The following C18orf63 variants were observed in gnomAD, a reference collection of about 807,000 sequenced individuals.
The protein encoded by C18orf63 is uncharacterized protein C18orf63.
C18orf63 carries 50 observed loss-of-function variants against 75.3 expected under a neutral mutation model. That is an observed-to-expected ratio of 0.66 (90% confidence interval 0.53 to 0.84). C18orf63 has a LOEUF of 0.84. Ranked by LOEUF, C18orf63 falls within the 40% of genes least tolerant of loss-of-function variation. The pLI is 0.00. For missense variants in C18orf63, 732 were observed against 800.2 expected, an observed-to-expected ratio of 0.91 and a Z score of 1.03; for synonymous variants, 232 against 267.6, an observed-to-expected ratio of 0.87 and a Z score of 1.30.
intron 5 of C18orf63, among the ~76,000 whole-genome samples, chr18:74,328,501 T>C (rs1984246676): frequency 6.6e-6 from 1 of 152,192 alleles, no homozygotes. Context: ...TTTTAAGATA[T>C]ACAATTTTTA....
chr18:74,318,789 CAGAAAA>C (rs369913171), intron 2 of C18orf63, among the ~76,000 whole-genome samples: 1,167 of 93,658 alleles, frequency 0.012, 17 homozygotes, highest in African/African-American at 0.042. Flanking sequence ...GACTCTGTCT[CAGAAAA>C]AAAAAAAAAG....
chr18:74,328,398 G>A (rs1568235918), intron 5 of C18orf63, among the ~76,000 whole-genome samples: 2 of 152,138 alleles, frequency 1.3e-5, no homozygotes, highest in Non-Finnish European at 2.9e-5. Context: ...CTCCCACCGG[G>A]TCCTTCCCAC....
At chr18:74,316,458 C>G (rs1214927150) in intron 1 of C18orf63, among the ~76,000 whole-genome samples, 3 of 152,176 alleles carry the variant, frequency 2.0e-5, no homozygotes, top group African/African-American at 7.2e-5. Context: ...CCCCGCGCCC[C>G]GGGAGGATTT....
In C18orf63 at chr18:74,317,836, C is replaced by A; in HGVS notation, c.-30C>A. On this transcript the variant is annotated splice_region_variant and 5_prime_UTR_variant, in exon 2 of 14. It adds an upstream start codon to the 5' untranslated region. Transcript: ENST00000579455. Reference sequence around the variant, plus strand: ...TTTTTTGCTGTTTATTTTTAAAGGCCTGATTGCTGAGACACTCAGTCAGGA... The same window carrying A: ...TTTTTTGCTGTTTATTTTTAAAGGCATGATTGCTGAGACACTCAGTCAGGA... 1 of 1,500,548 alleles carries A rather than the reference C, an allele frequency of 6.7e-7. No individual in the cohort carries two copies. Among genetic ancestry groups the A allele is most frequent in the Non-Finnish European group, 8.9e-7 (1 of 1,128,002 alleles). The allele number at this position is 1,500,548 out of a possible 1,614,324, so 93.0% of individuals were successfully genotyped here.
Position 74,329,038 on chromosome 18 carries a change from T to C in C18orf63, c.424+2T>C, listed in dbSNP as rs1430139321. On this transcript the variant is annotated splice_donor_variant, in intron 6 of 13. Coordinates refer to ENST00000579455, the MANE Select transcript of C18orf63 (RefSeq NM_001174123.2). LOFTEE classifies it high-confidence loss of function. Reference sequence around the variant, plus strand: ...AGATGGGAAAACAAAGTGCTGTTGGTAAGTAAAAATGCATAAGTCAATAGA... The same window carrying C: ...AGATGGGAAAACAAAGTGCTGTTGGCAAGTAAAAATGCATAAGTCAATAGA... 1.3e-6 allele frequency: 2 copies of C among 1,490,322 alleles called. No individual in the cohort carries two copies. Among genetic ancestry groups the C allele is most frequent in the Middle Eastern group, 1.7e-4 (1 of 5,900 alleles). 92.3% of individuals were successfully genotyped at this position (1,490,322 alleles called of 1,614,324 possible).
chr18:74,320,451 T>A, intron 2 of C18orf63, 62 bp from the exon 3 acceptor site: 4 of 1,109,352 alleles, frequency 3.6e-6, no homozygotes, highest in Non-Finnish European at 5.2e-6. Context: ...AACATGAGAT[T>A]TGGGTGGGGA....
At chr18:74,341,967 T>C in intron 8 of C18orf63, 65 bp from the exon 9 acceptor site, 1 of 764,560 alleles carries the variant, frequency 1.3e-6, no homozygotes, top group South Asian at 1.8e-5. Flanking sequence ...TTCTAAATCA[T>C]GTAGTTGACT....
intron 3 of C18orf63, among the ~76,000 whole-genome samples, chr18:74,321,311 C>T (rs1984117107): frequency 6.6e-6 from 1 of 151,488 alleles, no homozygotes; most frequent in South Asian, 2.1e-4. Flanking sequence ...CTCTCCCTTC[C>T]TTCCTTTTTT....
At chr18:74,355,402 A>G (rs149979138) in intron 13 of C18orf63, among the ~76,000 whole-genome samples, 132 of 152,354 alleles carry the variant, frequency 8.7e-4, no homozygotes, top group African/African-American at 3.1e-3. Flanking sequence ...TTAGAAATCA[A>G]TGAAATCTAT....
chr18:74,342,493 G>A (rs903037081), intron 10 of C18orf63, among the ~76,000 whole-genome samples, 167 bp downstream of exon 10: 3 of 152,022 alleles, frequency 2.0e-5, no homozygotes, highest in African/African-American at 7.2e-5. Flanking sequence ...GGTTTGCTTA[G>A]AATATCTTCC....
Position 74,322,647 on chromosome 18 carries a change from T to TTATA in C18orf63, c.214-41_214-38dup, listed in dbSNP as rs148436042. Reference sequence around the variant, plus strand: ...TTAAAATCTTTATTGCATTATTTAATTATATATATATATGTTAAGTCCTTT... The same window carrying TTATA: ...TTAAAATCTTTATTGCATTATTTAATTATATATATATATATATGTTAAGTCCTTT... On this transcript the variant is annotated intron_variant, in intron 3 of 13. Transcript: ENST00000579455. 565 of 578,774 alleles carry TTATA rather than the reference T, an allele frequency of 9.8e-4. 1 individual carries two copies. The Middle Eastern group carries it at 0.01, about 10-fold the overall frequency. The allele number at this position is 578,774 out of a possible 1,614,324, so 35.9% of individuals were successfully genotyped here.
chr18:74,344,501 C>T (rs1328236148), intron 11 of C18orf63, among the ~76,000 whole-genome samples: 1 of 148,392 alleles, frequency 6.7e-6, no homozygotes, highest in African/African-American at 2.6e-5. Flanking sequence ...CTTGCCAGGA[C>T]TTAGGAGCCT....
Position 74,353,424 on chromosome 18 carries a change from A to G in C18orf63, c.1157A>G (p.His386Arg). 1 of 1,536,354 alleles carries G rather than the reference A, an allele frequency of 6.5e-7. No individual in the cohort carries two copies. The highest frequency in any genetic ancestry group is 8.7e-7 in the Non-Finnish European group (1 of 1,146,964). ...ACATCAGGCATTTTCTCAGCTTTGC[A>G]TCTCCAGCCAGAGTCTGTTCAGGGT... is the stretch of plus-strand genomic sequence containing the variant. ...QPTSGIFSAL[H>R]LQPESVQGRK... Residue 386 changes from histidine (H) to arginine (R), a missense_variant, in exon 12 of 14, where the codon CAT becomes CGT. Around this residue, in one of 3 missense-constraint regions of C18orf63, gnomAD observed 495 missense variants for 508.7 expected, o/e 0.97. Coordinates refer to ENST00000579455, the MANE Select transcript of C18orf63 (RefSeq NM_001174123.2).
chr18:74,318,488 C>T (rs540842169), intron 2 of C18orf63, among the ~76,000 whole-genome samples: 3 of 152,152 alleles, frequency 2.0e-5, no homozygotes, highest in East Asian at 1.9e-4. Context: ...CCCACATAGT[C>T]GTTGAAAAAC....
chr18:74,331,521 T>C (rs1043813518), intron 7 of C18orf63, among the ~76,000 whole-genome samples: 1 of 152,218 alleles, frequency 6.6e-6, no homozygotes, highest in East Asian at 1.9e-4. Context: ...AAATGAATGA[T>C]TGGCTCCTTA....
In C18orf63 at chr18:74,328,977, T is replaced by G. The variant is rs1352462341; in HGVS notation, c.383-18T>G. The G allele has an allele frequency of 7.1e-7, 1 of 1,412,928 alleles. No individual in the cohort carries two copies. Among genetic ancestry groups the G allele is most frequent in the Non-Finnish European group, 9.7e-7 (1 of 1,034,926 alleles). 87.5% of individuals were successfully genotyped at this position (1,412,928 alleles called of 1,614,324 possible). A position where few individuals can be genotyped will look rare whatever the true frequency, so the allele number is the denominator to read the frequency against. The stretch of plus-strand genomic sequence containing the variant: ...TTATGAGTTGTAATAACATGGCATA[T>G]TCTATGAATTTTTTAAGGAAGAGAT... On this transcript the variant is annotated intron_variant, in intron 5 of 13. Coordinates refer to ENST00000579455, the MANE Select transcript of C18orf63 (RefSeq NM_001174123.2).
intron 10 of C18orf63, among the ~76,000 whole-genome samples, 195 bp downstream of exon 10, chr18:74,342,521 G>A (rs867320405): frequency 1.2e-4 from 18 of 152,114 alleles, no homozygotes; most frequent in Admixed American, 9.2e-4. Context: ...ATTTGAGGAT[G>A]AGCTCAATAA....
Position 74,354,099 on chromosome 18 carries a change from A to G in C18orf63, c.1832A>G (p.Gln611Arg). The change falls in exon 12 of 14, where the codon CAG (glutamine) becomes CGG (arginine). Residue 611 changes from glutamine to arginine, a missense_variant. By Grantham distance (43) the Gln-to-Arg change is conservative. Transcript: ENST00000579455. ...GETEDPRLLQ[Q>R]QSENQAKEVG... is the part of the protein sequence containing the mutation. ...ACCGAAGATCCACGACTGCTACAGCAGCAATCAGAAAATCAAGCTAAAGAA... is the reference window on the plus strand; with the variant it reads ...ACCGAAGATCCACGACTGCTACAGCGGCAATCAGAAAATCAAGCTAAAGAA... 2 of 1,536,354 alleles carry G rather than the reference A, an allele frequency of 1.3e-6. No homozygotes were observed. Among genetic ancestry groups the G allele is most frequent in the Non-Finnish European group, 1.7e-6 (2 of 1,146,966 alleles).
intron 13 of C18orf63, 70 bp downstream of exon 13, chr18:74,354,616 C>T (rs1211372198): frequency 8.6e-6 from 6 of 701,480 alleles, no homozygotes; most frequent in Non-Finnish European, 1.4e-5. Context: ...TTAGGGGTCC[C>T]CAACCTCTTG....
Sources: allele counts gnomAD v4.1 joint callset (sites outside exome capture counted in the v4.1 genomes callset), GRCh38; gene constraint gnomAD v4.1.1; regional missense constraint gnomAD v4.1.1; transcripts MANE v1.5; gene names NCBI Gene and HGNC (gene_info 2026-07-23, HGNC 2026-07-21).